Variants in TET3 observed in about 807,000 individuals in gnomAD.
TET3 encodes the protein tet methylcytosine dioxygenase 3.
A neutral mutation model predicts 141.4 loss-of-function variants in TET3; 19 were observed. The ratio of observed to expected loss-of-function variants is 0.13; its 90% CI spans 0.09 to 0.20. TET3 has a LOEUF of 0.20. TET3 is among the 10% of genes least tolerant of loss of function. TET3 has a pLI of 1.00. For synonymous variants in TET3, 1,043 were observed against 980.9 expected (o/e 1.06, Z -1.18); for missense variants, 1,874 against 2,356.9 (o/e 0.80, Z 4.24).
intron 2 of TET3, among the ~76,000 whole-genome samples, chr2:74,001,719 T>C (rs944911234): frequency 6.6e-6 from 1 of 152,150 alleles, no homozygotes; most frequent in African/African-American, 2.4e-5. Context: ...CTCTGTTCTT[T>C]CTCATCCTGC....
chr2:74,117,783 T>A, the TET3 span, among the ~76,000 whole-genome samples: 3 of 152,010 alleles, frequency 2.0e-5, 1 homozygote, highest in Middle Eastern at 6.3e-3. Context: ...TCATGCCCTG[T>A]CGCCCAGGCT....
downstream of TET3, among the ~76,000 whole-genome samples, chr2:74,110,228 A>G (rs954514569): frequency 3.3e-5 from 5 of 151,926 alleles, no homozygotes; most frequent in African/African-American, 9.7e-5. Context: ...TTTTTTTTTA[A>G]TGCTTCACAC....
chr2:74,112,105 A>G (rs1211818815), downstream of TET3, among the ~76,000 whole-genome samples: 1 of 152,204 alleles, frequency 6.6e-6, no homozygotes, highest in East Asian at 1.9e-4. Flanking sequence ...ACCAAATCAG[A>G]TGATACTATT....
chr2:74,048,335 G>A lies in TET3; in HGVS notation c.2418G>A (p.Leu806=). 6.2e-7 allele frequency: 1 copy of A among 1,613,816 alleles called. No individual in the cohort carries two copies. Among genetic ancestry groups the A allele is most frequent in the Non-Finnish European group, 8.5e-7 (1 of 1,179,852 alleles). The change falls in exon 4 of 12, where the codon CTG becomes CTA. Residue 806 remains leucine, a synonymous_variant. Transcript: ENST00000409262. ...SGFLESPLKY[L]DTPTKSLLDT... ...TCTTGGAGTCACCTCTTAAGTACCT[G>A]GACACACCCACCAAGAGTCTGCTGG...
At chr2:74,095,126 C>T (rs749891611) in intron 10 of TET3, among the ~76,000 whole-genome samples, 2 of 152,278 alleles carry the variant, frequency 1.3e-5, no homozygotes, top group Middle Eastern at 3.4e-3. Flanking sequence ...GACAAGGGCA[C>T]CAGCACATCT....
chr2:74,033,530 T>C (rs762643180), intron 3 of TET3, among the ~76,000 whole-genome samples: 2 of 152,228 alleles, frequency 1.3e-5, no homozygotes, highest in Non-Finnish European at 2.9e-5. Flanking sequence ...GTACATCTAC[T>C]GATTAAATAT....
At chr2:74,088,852 G>A (rs1027850174) in intron 7 of TET3, among the ~76,000 whole-genome samples, 9 of 152,124 alleles carry the variant, frequency 5.9e-5, no homozygotes, top group Non-Finnish European at 1.3e-4. Flanking sequence ...AGGCCAAGGC[G>A]GGTGGATCGC....
chr2:74,065,200 C>T (rs1016077445), intron 4 of TET3, among the ~76,000 whole-genome samples: 1 of 152,164 alleles, frequency 6.6e-6, no homozygotes, highest in Non-Finnish European at 1.5e-5. Flanking sequence ...AGAAATTATG[C>T]ATATTATAGC....
chr2:73,997,808 C>A (rs1416520908), intron 2 of TET3, among the ~76,000 whole-genome samples: 1 of 152,150 alleles, frequency 6.6e-6, no homozygotes, highest in Non-Finnish European at 1.5e-5. Flanking sequence ...CTCTGTGTGT[C>A]CTTAATGATC....
At chr2:74,071,960 T>C (rs968839622) in intron 4 of TET3, among the ~76,000 whole-genome samples, 2 of 152,234 alleles carry the variant, frequency 1.3e-5, no homozygotes, top group African/African-American at 2.4e-5. Flanking sequence ...AAATTAACCA[T>C]CTTAAAGTGA....
chr2:74,098,866 A>G (rs183950173), intron 10 of TET3, among the ~76,000 whole-genome samples: 127 of 152,254 alleles, frequency 8.3e-4, no homozygotes, highest in African/African-American at 2.8e-3. Flanking sequence ...AAGGAAACGT[A>G]TTTTAAGAGC....
intron 3 of TET3, among the ~76,000 whole-genome samples, chr2:74,045,367 T>C (rs1435218389): frequency 6.6e-6 from 1 of 152,240 alleles, no homozygotes; most frequent in East Asian, 1.9e-4. Flanking sequence ...CTGATGTCTT[T>C]TTAAATCCAT....
intron 4 of TET3, among the ~76,000 whole-genome samples, chr2:74,060,331 G>A (rs555470255): frequency 4.1e-4 from 63 of 152,122 alleles, no homozygotes; most frequent in Non-Finnish European, 7.6e-4. Context: ...TCAAGTTGCT[G>A]TTCAAGCCCA....
chr2:74,126,208 A>C, the TET3 span, among the ~76,000 whole-genome samples: 2 of 152,208 alleles, frequency 1.3e-5, no homozygotes, highest in African/African-American at 2.4e-5. Flanking sequence ...GTTTTTATAT[A>C]TGGCACCAAC....
intron 4 of TET3, among the ~76,000 whole-genome samples, chr2:74,061,395 C>T (rs1230397377): frequency 2.0e-3 from 280 of 139,536 alleles, no homozygotes; most frequent in Middle Eastern, 4.1e-3. Context: ...CCCTCCCGGA[C>T]GGGGCGGCTG....
chr2:74,124,711 A>C, the TET3 span, among the ~76,000 whole-genome samples: 5 of 152,158 alleles, frequency 3.3e-5, no homozygotes, highest in Admixed American at 2.6e-4. Flanking sequence ...TTTGTTAAAT[A>C]GATGCTTGAA....
At chr2:74,126,956 TG>T in the TET3 span, among the ~76,000 whole-genome samples, 1 of 152,212 alleles carries the variant, frequency 6.6e-6, no homozygotes, top group Non-Finnish European at 1.5e-5. Context: ...AGCCAGAAGA[TG>T]GATAGTGAAA....
intron 10 of TET3, among the ~76,000 whole-genome samples, chr2:74,095,596 C>T (rs945354881): frequency 3.3e-5 from 5 of 152,348 alleles, no homozygotes; most frequent in African/African-American, 1.2e-4. Flanking sequence ...TATGTATGCA[C>T]GAATGGCTTT....
intron 5 of TET3, among the ~76,000 whole-genome samples, chr2:74,074,215 T>C (rs1244390193): frequency 6.6e-6 from 1 of 152,176 alleles, no homozygotes; most frequent in South Asian, 2.1e-4. Flanking sequence ...TATCCTGGGT[T>C]CACATTGTAC....
Sources: allele counts gnomAD v4.1 joint callset (sites outside exome capture counted in the v4.1 genomes callset), GRCh38; gene constraint gnomAD v4.1.1; transcripts MANE v1.5; gene names NCBI Gene and HGNC (gene_info 2026-07-23, HGNC 2026-07-21).